IGF1R: variants seen among roughly 807,000 people sequenced by gnomAD.
IGF1R encodes insulin-like growth factor 1 receptor.
In IGF1R, 44 loss-of-function variants were observed where a neutral mutation model predicts 144.6. That is an observed-to-expected ratio of 0.30 (90% confidence interval 0.24 to 0.39). The LOEUF is 0.39. IGF1R is among the 10% of genes least tolerant of loss of function. IGF1R has a pLI of 1.00. For synonymous variants in IGF1R, 795 were observed against 722.8 expected (o/e 1.10, Z -1.60); for missense variants, 1,355 against 1,833.7 (o/e 0.74, Z 4.77).
intron 15 of IGF1R, among the ~76,000 whole-genome samples, chr15:98,930,747 T>A (rs976055013): frequency 2.0e-5 from 3 of 152,172 alleles, no homozygotes; most frequent in Non-Finnish European, 2.9e-5. Context: ...CTTTTTTTTT[T>A]ATCATGGAAT....
At chr15:98,844,899 A>G (rs2011253344) in intron 2 of IGF1R, among the ~76,000 whole-genome samples, 1 of 152,210 alleles carries the variant, frequency 6.6e-6, no homozygotes, top group Non-Finnish European at 1.5e-5. Context: ...AGTATGCTTC[A>G]ACTATAATTA....
chr15:98,677,759 C>A (rs1165650611), intron 1 of IGF1R, among the ~76,000 whole-genome samples: 9 of 152,190 alleles, frequency 5.9e-5, no homozygotes, highest in Non-Finnish European at 1.5e-5. Flanking sequence ...AATGACAGGT[C>A]AGCAAGCGCT....
At chr15:98,767,407 C>A (rs1360027020) in intron 2 of IGF1R, among the ~76,000 whole-genome samples, 1 of 152,198 alleles carries the variant, frequency 6.6e-6, no homozygotes, top group East Asian at 1.9e-4. Flanking sequence ...CATTTTGATA[C>A]ATGAGGCATA....
intron 1 of IGF1R, among the ~76,000 whole-genome samples, chr15:98,685,262 A>G (rs2053297217): frequency 6.6e-6 from 1 of 152,158 alleles, no homozygotes; most frequent in Non-Finnish European, 1.5e-5. Context: ...TTGGCTTTGA[A>G]GAAGAATGAT....
chr15:98,942,888 C>T (rs2151718897), intron 18 of IGF1R, 35 bp from the exon 19 acceptor site: 1 of 1,613,630 alleles, frequency 6.2e-7, no homozygotes, highest in Non-Finnish European at 8.5e-7. Context: ...GTGCCTGCTC[C>T]AGCGTGTGAC....
chr15:98,724,256 G>A (rs563259075), intron 2 of IGF1R, among the ~76,000 whole-genome samples: 2 of 152,260 alleles, frequency 1.3e-5, no homozygotes, highest in South Asian at 2.1e-4. Context: ...CTTGCAAAAC[G>A]CATTTTTAAG....
chr15:98,716,840 G>T (rs1199392160), intron 2 of IGF1R, among the ~76,000 whole-genome samples: 2 of 152,160 alleles, frequency 1.3e-5, no homozygotes, highest in African/African-American at 2.4e-5. Context: ...TGCGGGGTCA[G>T]CTTGGCCGCT....
At chr15:98,655,078 A>T (rs536034296) in intron 1 of IGF1R, among the ~76,000 whole-genome samples, 24 of 152,330 alleles carry the variant, frequency 1.6e-4, no homozygotes, top group African/African-American at 5.5e-4. Flanking sequence ...ACTTTGATAT[A>T]TGTACACATC....
intron 2 of IGF1R, chr15:98,820,908 G>A (rs563126603): frequency 3.9e-5 from 6 of 152,124 alleles, no homozygotes; most frequent in South Asian, 2.1e-4. Flanking sequence ...CCCAGTTCAC[G>A]GAAGTACCAC....
At chr15:98,814,797 A>AGAAACCTCT (rs111671170) in intron 2 of IGF1R, among the ~76,000 whole-genome samples, 1 of 152,068 alleles carries the variant, frequency 6.6e-6, no homozygotes, top group South Asian at 2.1e-4. Flanking sequence ...GGGAGAAGAA[A>AGAAACCTCT]TTGTATCTGA....
At chr15:98,905,924 C>CA in intron 5 of IGF1R, among the ~76,000 whole-genome samples, 1 of 152,272 alleles carries the variant, frequency 6.6e-6, no homozygotes, top group South Asian at 2.1e-4. Flanking sequence ...GCTCGAAAAA[C>CA]AAGCATGGTA....
intron 7 of IGF1R, among the ~76,000 whole-genome samples, chr15:98,912,007 T>C (rs772245348): frequency 6.6e-6 from 1 of 152,236 alleles, no homozygotes; most frequent in Non-Finnish European, 1.5e-5. Context: ...CTAGACTCTG[T>C]TGGGAGCTTT....
intron 1 of IGF1R, among the ~76,000 whole-genome samples, chr15:98,667,695 G>C (rs1322793815): frequency 6.6e-6 from 1 of 152,160 alleles, no homozygotes; most frequent in Non-Finnish European, 1.5e-5. Flanking sequence ...TTCCAGAGGA[G>C]CTTTCTCTGT....
chr15:98,689,346 C>T (rs1229544845), intron 1 of IGF1R, among the ~76,000 whole-genome samples: 2 of 148,190 alleles, frequency 1.3e-5, no homozygotes, highest in Non-Finnish European at 3.0e-5. Context: ...TCAAGCAGTT[C>T]TCCTGCCTCA....
At chr15:98,836,598 C>T (rs1051711275) in intron 2 of IGF1R, among the ~76,000 whole-genome samples, 1 of 151,604 alleles carries the variant, frequency 6.6e-6, no homozygotes, top group Non-Finnish European at 1.5e-5. Flanking sequence ...ATCTATACAC[C>T]AATTCTCACA....
chr15:98,827,730 A>G (rs1392385561), intron 2 of IGF1R, among the ~76,000 whole-genome samples: 4 of 152,092 alleles, frequency 2.6e-5, no homozygotes, highest in Non-Finnish European at 4.4e-5. Context: ...TTACATGCGC[A>G]CGCCACCACA....
intron 13 of IGF1R, among the ~76,000 whole-genome samples, chr15:98,925,586 T>C (rs2015682287): frequency 6.6e-6 from 1 of 152,220 alleles, no homozygotes; most frequent in Non-Finnish European, 1.5e-5. Flanking sequence ...ACATTTCTGC[T>C]ACTCACATCT....
At chr15:98,782,657 A>C (rs576408287) in intron 2 of IGF1R, among the ~76,000 whole-genome samples, 123 of 152,320 alleles carry the variant, frequency 8.1e-4, no homozygotes, top group African/African-American at 2.8e-3. Flanking sequence ...ATCACTCCAA[A>C]TTAGTCATTT....
At chr15:98,885,478 G>A (rs1339622275) in intron 2 of IGF1R, among the ~76,000 whole-genome samples, 2 of 152,066 alleles carry the variant, frequency 1.3e-5, no homozygotes, top group African/African-American at 4.8e-5. Context: ...AATCTCTTTG[G>A]ACCATGTGTC....
Sources: allele counts gnomAD v4.1 joint callset (sites outside exome capture counted in the v4.1 genomes callset), GRCh38; gene constraint gnomAD v4.1.1; transcripts MANE v1.5; gene names NCBI Gene and HGNC (gene_info 2026-07-23, HGNC 2026-07-21).